Variants in SH3RF2 observed in about 807,000 individuals in gnomAD.
The protein encoded by SH3RF2 is SH3 domain containing ring finger 2, also known as E3 ubiquitin-protein ligase SH3RF2.
In SH3RF2, 43 loss-of-function variants were observed where a neutral mutation model predicts 59.0. That is an observed-to-expected ratio of 0.73 (90% CI 0.57 to 0.94). SH3RF2 has a LOEUF of 0.94. Ranked by LOEUF, SH3RF2 falls within the 40% of genes least tolerant of loss-of-function variation. The probability of loss-of-function intolerance (pLI) is 0.00; values close to 1 mark genes in which losing one functional copy is unlikely to be tolerated. For missense variants in SH3RF2, 930 were observed against 940.1 expected (o/e 0.99, Z 0.14); for synonymous variants, 391 against 391.5 (o/e 1.00, Z 0.01).
intron 2 of SH3RF2, among the ~76,000 whole-genome samples, chr5:145,939,924 A>G (rs1279116586): frequency 2.0e-5 from 3 of 152,118 alleles, no homozygotes; most frequent in Non-Finnish European, 4.4e-5. Flanking sequence ...TCAGCTTGGA[A>G]TATTTTTGTT....
At chr5:146,021,738 G>A (rs561050402) in intron 5 of SH3RF2, among the ~76,000 whole-genome samples, 1 of 152,262 alleles carries the variant, frequency 6.6e-6, no homozygotes, top group Non-Finnish European at 1.5e-5. Context: ...AGCCCCCTGG[G>A]TAAAGAACTG....
intron 2 of SH3RF2, chr5:145,997,744 C>T: frequency 6.3e-7 from 1 of 1,577,124 alleles, no homozygotes; most frequent in Non-Finnish European, 8.7e-7. Flanking sequence ...GCAGTTAAAT[C>T]ATTGTGGACA....
intron 3 of SH3RF2, 151 bp downstream of exon 3, chr5:146,000,478 G>T: frequency 1.5e-6 from 1 of 651,760 alleles, no homozygotes; most frequent in Non-Finnish European, 2.1e-6. Flanking sequence ...AATATATTTT[G>T]TGCATAAATT....
At chr5:146,050,064 A>G (rs955842944) in intron 7 of SH3RF2, 1 of 152,210 alleles carries the variant, frequency 6.6e-6, no homozygotes, top group Non-Finnish European at 1.5e-5. Flanking sequence ...ACCTAGTCAT[A>G]TGCCCACTTT....
At chr5:146,031,713 A>T (rs78934335) in intron 5 of SH3RF2, among the ~76,000 whole-genome samples, 215 of 152,196 alleles carry the variant, frequency 1.4e-3, no homozygotes, top group Non-Finnish European at 1.6e-3. Flanking sequence ...AGTAATCAAT[A>T]CCCTTCCCCA....
chr5:145,978,886 G>A (rs1215989826), intron 2 of SH3RF2, among the ~76,000 whole-genome samples: 5 of 152,112 alleles, frequency 3.3e-5, no homozygotes, highest in African/African-American at 1.2e-4. Flanking sequence ...CCTGCTGTGT[G>A]TGGGGAGAGG....
Position 145,965,041 on chromosome 5 carries a change from A to G in SH3RF2, c.378+26735A>G, listed in dbSNP as rs1310326277. ...AACCCCGTCTCTACTAAAACATAAA[A>G]AATTAGCCAGGCATGGCAGCATGCA... On this transcript the variant is annotated intron_variant, in intron 2 of 9. Coordinates refer to ENST00000359120, the MANE Select transcript of SH3RF2 (RefSeq NM_152550.4). Among the ~76,000 whole-genome samples the G allele has an allele frequency of 6.6e-5, 10 of 151,972 alleles. 1 individual carries two copies.
chr5:146,010,358 T>C (rs1760829698), intron 4 of SH3RF2, among the ~76,000 whole-genome samples: 1 of 152,232 alleles, frequency 6.6e-6, no homozygotes, highest in Admixed American at 6.5e-5. Flanking sequence ...TGTGTCTTCA[T>C]AGCAGCATGA....
At chr5:145,968,092 GC>G (rs778749011) in intron 2 of SH3RF2, among the ~76,000 whole-genome samples, 12 of 152,210 alleles carry the variant, frequency 7.9e-5, no homozygotes, top group Non-Finnish European at 1.3e-4. Flanking sequence ...CCTGGGAGAA[GC>G]TGTAGCCTTC....
rs562233064 is a variant in SH3RF2, at chr5:145,984,675, G to A, written c.379-15383G>A. On this transcript the variant is annotated intron_variant, in intron 2 of 9. Transcript: ENST00000359120. ...ACCTTATGTCCAGTGGACAAATGGT[G>A]TGTGAGTCTTTAGCACCCCTCTGAT... is the stretch of plus-strand genomic sequence containing the variant. Among the ~76,000 whole-genome samples, 92 of 152,332 alleles carry A rather than the reference G, an allele frequency of 6.0e-4. 1 individual carries two copies. The highest frequency in any genetic ancestry group is 2.1e-3 in the African/African-American group (88 of 41,592).
In SH3RF2 at chr5:146,062,629, G is replaced by A. The variant is rs373083756; in HGVS notation, c.2118G>A (p.Lys706=). 4 of 1,614,028 alleles carry A rather than the reference G, an allele frequency of 2.5e-6. No homozygotes were observed. Among genetic ancestry groups the A allele is most frequent in the Admixed American group, 1.7e-5 (1 of 60,002 alleles). The part of the protein sequence containing the change: ...HSGQQTDLRR[K]SALGKATTLV... ...GACAGCAGACAGACCTCCGGAGAAA[G>A]TCAGCTCTTGGCAAGGCCACAACCC... The change falls in exon 10 of 10, where the codon AAG becomes AAA. Residue 706 remains lysine (K), a synonymous_variant. Coordinates refer to ENST00000359120, the MANE Select transcript of SH3RF2 (RefSeq NM_152550.4).
intron 2 of SH3RF2, among the ~76,000 whole-genome samples, chr5:145,988,697 T>C (rs1376922996): frequency 6.6e-6 from 1 of 152,162 alleles, no homozygotes; most frequent in Non-Finnish European, 1.5e-5. Context: ...GTCTCAAATC[T>C]GAATGTCGGA....
chr5:145,966,597 A>G (rs542479992), intron 2 of SH3RF2, among the ~76,000 whole-genome samples: 9 of 152,346 alleles, frequency 5.9e-5, no homozygotes, highest in Non-Finnish European at 7.3e-5. Context: ...TACACATTCT[A>G]TATCCAGCAC....
rs554166900 is a variant in SH3RF2 at position 145,970,844 on chromosome 5, A to G, written c.379-29214A>G. On this transcript the variant is annotated intron_variant, in intron 2 of 9. Coordinates refer to ENST00000359120, the MANE Select transcript of SH3RF2 (RefSeq NM_152550.4). ...TAACCTTATAGAATTGGTGTATATC[A>G]GAAGAGGTTCTGATAATTTATGAAC... is the stretch of plus-strand genomic sequence containing the variant. Among the ~76,000 whole-genome samples, 6 of 152,340 alleles carry G rather than the reference A, an allele frequency of 3.9e-5. 1 individual carries two copies. In the South Asian group the frequency reaches 1.2e-3, roughly 32 times the overall value.
intron 5 of SH3RF2, among the ~76,000 whole-genome samples, chr5:146,035,351 A>C: frequency 7.5e-6 from 1 of 132,960 alleles, no homozygotes; most frequent in East Asian, 2.2e-4. Context: ...TTTTTTAATT[A>C]ACTTTTTTTT....
At chr5:146,064,707 AAAGAAAGAAAGAAAGAAAGAAAGG>A (rs1763024889), downstream of SH3RF2, among the ~76,000 whole-genome samples, 1 of 12,972 alleles carries the variant, frequency 7.7e-5, no homozygotes, top group African/African-American at 2.1e-4. Context: ...AGAAAGAAAG[AAAGAAAGAAAGAAAGAAAGAAAGG>A]AAGGAAGGAA....
At chr5:146,014,106 A>G (rs1212237259) in intron 5 of SH3RF2, 45 bp downstream of exon 5, 14 of 1,594,028 alleles carry the variant, frequency 8.8e-6, no homozygotes, top group East Asian at 6.7e-5. Flanking sequence ...GAGTTGGGCA[A>G]GTGATTCATA....
chr5:146,071,230 A>G lies in SH3RF2; in HGVS notation c.*34-7230A>G, dbSNP rs150592582. Among the ~76,000 whole-genome samples, 10 of 152,356 alleles carry G rather than the reference A, an allele frequency of 6.6e-5. No individual in the cohort carries two copies. The East Asian group carries it at 1.7e-3, about 26-fold the overall frequency. ...GGAATTCAAATAAATAGTGCCTTCA[A>G]AAGGTTGTACCCAGATTCCTGCAAG... is the stretch of plus-strand genomic sequence containing the variant. On this transcript the variant is annotated intron_variant, in intron 9 of 9. Transcript: ENST00000511217.
At chr5:145,937,495 C>T (rs2149934892) in intron 1 of SH3RF2, among the ~76,000 whole-genome samples, 1 of 152,188 alleles carries the variant, frequency 6.6e-6, no homozygotes, top group South Asian at 2.1e-4. Flanking sequence ...AGGAGCTTTC[C>T]CCGGGCAGGG....
Sources: allele counts gnomAD v4.1 joint callset (sites outside exome capture counted in the v4.1 genomes callset), GRCh38; gene constraint gnomAD v4.1.1; transcripts MANE v1.5; gene names NCBI Gene and HGNC (gene_info 2026-07-23, HGNC 2026-07-21).